Variants in ACSL1 observed in about 807,000 individuals in gnomAD.
The protein encoded by ACSL1 is long-chain-fatty-acid--CoA ligase 1.
A neutral mutation model predicts 98.4 loss-of-function variants in ACSL1; 41 were observed. That is an observed-to-expected ratio of 0.42 (90% CI 0.32 to 0.54). ACSL1 has a LOEUF of 0.54. ACSL1 is among the 20% of genes least tolerant of loss of function. ACSL1 has a pLI of 0.13. For missense variants in ACSL1, 734 were observed against 883.1 expected (o/e 0.83, Z 2.14); for synonymous variants, 316 against 322.7 (o/e 0.98, Z 0.22).
At position 184,766,817 on chromosome 4, in the gene ACSL1, G is replaced by A; in HGVS notation, c.1129-61C>T. The A allele has an allele frequency of 1.3e-6, 2 of 1,545,960 alleles. No homozygotes were observed. The highest frequency in any genetic ancestry group is 2.3e-5 in the East Asian group (1 of 43,874). Reference sequence around the variant, plus strand: ...ACTAGGATGGCCAGAGTCAAAGAGTGTGGAGAAATCAGAACCCTCACACAC... The same window carrying A: ...ACTAGGATGGCCAGAGTCAAAGAGTATGGAGAAATCAGAACCCTCACACAC... On this transcript the variant is annotated intron_variant, in intron 12 of 20. Transcript: ENST00000281455. This position sits in a 1 kb window ranked among gnomAD's most constrained non-coding sequence, Gnocchi z 4.8.
intron 1 of ACSL1, chr4:184,814,882 C>G (rs1376965864): frequency 2.7e-6 from 1 of 376,714 alleles, no homozygotes; most frequent in African/African-American, 2.1e-5. Context: ...ACTTTCGTGC[C>G]TCTTTGAAAA....
At chr4:184,808,153 A>G (rs1012929116) in intron 1 of ACSL1, 10 of 317,570 alleles carry the variant, frequency 3.1e-5, no homozygotes, top group Admixed American at 1.3e-4. Context: ...CCTCTTCACC[A>G]TTTTATTTGT....
chr4:184,794,099 A>G (rs946776416), intron 2 of ACSL1, among the ~76,000 whole-genome samples: 12 of 152,356 alleles, frequency 7.9e-5, no homozygotes, highest in African/African-American at 2.6e-4. Context: ...TCCATGGAAT[A>G]TTTTTAATCC....
At chr4:184,781,632 A>T (rs1356531733) in intron 4 of ACSL1, among the ~76,000 whole-genome samples, 2 of 151,046 alleles carry the variant, frequency 1.3e-5, no homozygotes, top group Non-Finnish European at 2.9e-5. Context: ...TTTTTGAGAC[A>T]TAGTCTCACT....
chr4:184,801,030 A>C (rs1349403116), intron 2 of ACSL1, among the ~76,000 whole-genome samples: 1 of 152,170 alleles, frequency 6.6e-6, no homozygotes, highest in East Asian at 1.9e-4. Context: ...TTAAAATAAA[A>C]AAATTTATAG....
At position 184,756,842 on chromosome 4, in the gene ACSL1, G is replaced by A. The variant is rs1195268208; in HGVS notation, c.*283C>T. On this transcript the variant is annotated 3_prime_UTR_variant, in exon 21 of 21. Coordinates refer to ENST00000281455, the MANE Select transcript of ACSL1 (RefSeq NM_001995.5). ...TTTAAAACCCACTTTTTAAACTGAG[G>A]AAGTCTCAAATAACTTAGCACATTT... 3.6e-6 allele frequency: 1 copy of A among 275,606 alleles called. No individual in the cohort carries two copies. Among genetic ancestry groups the A allele is most frequent in the African/African-American group, 2.2e-5 (1 of 45,872 alleles). 17.1% of individuals were successfully genotyped at this position (275,606 alleles called of 1,614,324 possible).
intron 2 of ACSL1, among the ~76,000 whole-genome samples, chr4:184,792,590 C>T (rs951601651): frequency 6.6e-6 from 1 of 152,148 alleles, no homozygotes; most frequent in South Asian, 2.1e-4. Context: ...AGACACGTGC[C>T]ACCTTGCTTG....
chr4:184,789,120 A>C (rs1439796611), intron 2 of ACSL1, among the ~76,000 whole-genome samples: 2 of 152,274 alleles, frequency 1.3e-5, no homozygotes, highest in Admixed American at 1.3e-4. Context: ...CCAGTGAGTG[A>C]GTGCTGAAAG....
intron 2 of ACSL1, among the ~76,000 whole-genome samples, chr4:184,794,685 A>G (rs1187950947): frequency 6.6e-6 from 1 of 152,206 alleles, no homozygotes; most frequent in African/African-American, 2.4e-5. Context: ...ACCTAGCTCA[A>G]TGAGACATCC....
At chr4:184,778,247 C>G in intron 5 of ACSL1, among the ~76,000 whole-genome samples, 1 of 152,224 alleles carries the variant, frequency 6.6e-6, no homozygotes. Context: ...CTGCAGAACT[C>G]TGACACACAG....
At chr4:184,816,245 T>C (rs1254464846) in intron 1 of ACSL1, among the ~76,000 whole-genome samples, 1 of 152,054 alleles carries the variant, frequency 6.6e-6, no homozygotes, top group African/African-American at 2.4e-5. Flanking sequence ...GTGCCTGTCA[T>C]GTGGAAGACC....
At position 184,776,968 on chromosome 4, in the gene ACSL1, G is replaced by A; in HGVS notation, c.493C>T (p.Gln165Ter). The change falls in exon 6 of 21, where the codon CAA becomes TAA. Residue 165 changes from glutamine to a stop codon, truncating the protein, a stop_gained. Coordinates refer to ENST00000281455, the MANE Select transcript of ACSL1 (RefSeq NM_001995.5). LOFTEE classifies it high-confidence loss of function. Reference sequence around the variant, plus strand: ...ACCATCGAATAAGCAAAGCATCCTTGTTCAATAATCACCCACTAAACAAAC... The same window carrying A: ...ACCATCGAATAAGCAAAGCATCCTTATTCAATAATCACCCACTAAACAAAC... ...QNRPEWVIIE[Q>*]GCFAYSMVIV... 6.2e-7 allele frequency: 1 copy of A among 1,614,054 alleles called. No individual in the cohort carries two copies. The highest frequency in any genetic ancestry group is 8.5e-7 in the Non-Finnish European group (1 of 1,179,984).
intron 2 of ACSL1, chr4:184,798,791 TGCAGA>T (rs1358736331): frequency 1.3e-5 from 2 of 152,366 alleles, no homozygotes; most frequent in Non-Finnish European, 2.9e-5. Flanking sequence ...TAAGGTAGCC[TGCAGA>T]GCATCTCAGA....
At chr4:184,802,940 T>C (rs1167234713) in intron 2 of ACSL1, among the ~76,000 whole-genome samples, 3 of 152,206 alleles carry the variant, frequency 2.0e-5, no homozygotes, top group African/African-American at 7.2e-5. Flanking sequence ...TGCATTCTTT[T>C]GGTAACATTT....
At chr4:184,824,531 A>G (rs574020453) in intron 1 of ACSL1, among the ~76,000 whole-genome samples, 8 of 152,134 alleles carry the variant, frequency 5.3e-5, no homozygotes, top group Non-Finnish European at 7.4e-5. Context: ...TAACAAGTTT[A>G]TTTTTCTAGT....
chr4:184,813,104 T>A (rs914665400), intron 1 of ACSL1, among the ~76,000 whole-genome samples: 2 of 152,206 alleles, frequency 1.3e-5, no homozygotes, highest in Non-Finnish European at 2.9e-5. Context: ...AGATCTGTCA[T>A]GTACATCCAC....
chr4:184,761,840 CG>C (rs748317474), intron 17 of ACSL1, among the ~76,000 whole-genome samples: 5 of 152,124 alleles, frequency 3.3e-5, no homozygotes, highest in African/African-American at 4.8e-5. Flanking sequence ...AGCATCAAAA[CG>C]GGCCAGGCGC....
chr4:184,822,773 C>A (rs1773165914), intron 1 of ACSL1, among the ~76,000 whole-genome samples: 1 of 151,920 alleles, frequency 6.6e-6, no homozygotes, highest in African/African-American at 2.4e-5. Flanking sequence ...GTGAAAATGT[C>A]ATGATGTAGA....
chr4:184,794,080 C>A (rs1768904009), intron 2 of ACSL1, among the ~76,000 whole-genome samples: 1 of 152,212 alleles, frequency 6.6e-6, no homozygotes, highest in Non-Finnish European at 1.5e-5. Flanking sequence ...ACAATACCAT[C>A]CATTTATTTC....
Sources: allele counts gnomAD v4.1 joint callset (sites outside exome capture counted in the v4.1 genomes callset), GRCh38; gene constraint gnomAD v4.1.1; non-coding constraint Gnocchi (gnomAD v3.1); transcripts MANE v1.5; gene names NCBI Gene and HGNC (gene_info 2026-07-23, HGNC 2026-07-21).